Variants in TENT4B observed in about 807,000 individuals in gnomAD.
TENT4B encodes the protein terminal nucleotidyltransferase 4B.
Under a neutral mutation model 75.0 loss-of-function variants are expected in TENT4B, and 10 were observed. The ratio of observed to expected loss-of-function variants is 0.13; its 90% CI spans 0.08 to 0.23. The LOEUF (loss-of-function observed/expected upper bound fraction) is 0.23, where lower values mean the gene tolerates loss of function less well. Among genes scored for constraint, TENT4B ranks in the 10% least tolerant of loss-of-function variants. TENT4B has a pLI of 1.00. For missense variants in TENT4B, 579 were observed against 893.8 expected, an observed-to-expected ratio of 0.65 and a Z score of 4.49; for synonymous variants, 350 against 357.7, an observed-to-expected ratio of 0.98 and a Z score of 0.24.
rs374705268 is a variant in TENT4B at position 50,224,721 on chromosome 16, C to T, written c.1446C>T (p.Tyr482=). 4.2e-5 allele frequency: 68 copies of T among 1,613,886 alleles called. No homozygotes were observed. Among genetic ancestry groups the T allele is most frequent in the Non-Finnish European group, 5.4e-5 (64 of 1,179,878 alleles). The part of the protein sequence containing the change: ...MQVKQAFDYA[Y]VVLSHAVSPI... Reference sequence around the variant, plus strand: ...TGAAGCAGGCCTTTGATTATGCCTACGTTGTTTTGAGTCATGCTGTATCAC... The same window carrying T: ...TGAAGCAGGCCTTTGATTATGCCTATGTTGTTTTGAGTCATGCTGTATCAC... The change falls in exon 8 of 12, where the codon TAC becomes TAT. Residue 482 remains tyrosine, a synonymous_variant. Coordinates refer to ENST00000561678, the MANE Select transcript of TENT4B (RefSeq NM_001365324.3).
chr16:50,233,760 G>A lies in TENT4B; in HGVS notation c.*4432G>A. The A allele has an allele frequency of 2.0e-6, 2 of 985,256 alleles. No homozygotes were observed. Among genetic ancestry groups the A allele is most frequent in the South Asian group, 4.7e-5 (1 of 21,274 alleles). The allele number at this position is 985,256 out of a possible 1,614,324, so 61.0% of individuals were successfully genotyped here. ...TACTTTATTGAGTTTAACCTTGTCT[G>A]TAGCCTAGTAGCCTGAAAGAAAAGG... On this transcript the variant is annotated 3_prime_UTR_variant, in exon 12 of 12. Transcript: ENST00000561678.
At chr16:50,220,703 A>G (rs1266571042) in intron 5 of TENT4B, among the ~76,000 whole-genome samples, 1 of 151,660 alleles carries the variant, frequency 6.6e-6, no homozygotes, top group Non-Finnish European at 1.5e-5. Flanking sequence ...TAATTTTTGT[A>G]TTTTTAGTAG....
At chr16:50,169,009 C>T (rs549676466) in intron 1 of TENT4B, among the ~76,000 whole-genome samples, 1 of 152,208 alleles carries the variant, frequency 6.6e-6, no homozygotes, top group South Asian at 2.1e-4. Flanking sequence ...TAAAAGAAGG[C>T]ATAATCGTAA....
intron 1 of TENT4B, among the ~76,000 whole-genome samples, chr16:50,161,934 A>G (rs1415531329): frequency 6.6e-6 from 1 of 152,116 alleles, no homozygotes; most frequent in East Asian, 1.9e-4. Flanking sequence ...GAGCTACTCC[A>G]TCACCTCAGG....
At chr16:50,154,793 C>G (rs1597211864) in intron 1 of TENT4B, among the ~76,000 whole-genome samples, 1 of 152,210 alleles carries the variant, frequency 6.6e-6, no homozygotes, top group Non-Finnish European at 1.5e-5. Flanking sequence ...CAATCCCAGA[C>G]AGCAATTATG....
At chr16:50,190,695 T>C (rs1319074696) in intron 1 of TENT4B, among the ~76,000 whole-genome samples, 1 of 152,092 alleles carries the variant, frequency 6.6e-6, no homozygotes, top group African/African-American at 2.4e-5. Flanking sequence ...TTTAAAACAT[T>C]ATAGTAGAAT....
rs2032024958 is a variant in TENT4B, at chr16:50,225,807, T to C, written c.1800+522T>C. Among the ~76,000 whole-genome samples the C allele has an allele frequency of 2.6e-5, 4 of 151,710 alleles. No individual in the cohort carries two copies. The South Asian group carries it at 8.4e-4, about 32-fold the overall frequency. Reference sequence around the variant, plus strand: ...AAACGATTCTCCTGCCTCAACCTCCTGAGTAGCTGGGATTACAGGTGCGTA... The same window carrying C: ...AAACGATTCTCCTGCCTCAACCTCCCGAGTAGCTGGGATTACAGGTGCGTA... On this transcript the variant is annotated intron_variant, in intron 10 of 11. Transcript: ENST00000561678.
intron 1 of TENT4B, among the ~76,000 whole-genome samples, chr16:50,205,147 A>G (rs2030876584): frequency 6.6e-6 from 1 of 152,180 alleles, no homozygotes; most frequent in Admixed American, 6.5e-5. Context: ...TGACCCCCCC[A>G]GTCCCTCTTC....
intron 1 of TENT4B, 146 bp from the exon 2 acceptor site, chr16:50,211,177 C>T: frequency 3.5e-6 from 3 of 854,050 alleles, no homozygotes; most frequent in Non-Finnish European, 3.3e-6. Context: ...CTGTACATTC[C>T]CATTTTAGCT....
chr16:50,162,078 C>G (rs958526314), intron 1 of TENT4B, among the ~76,000 whole-genome samples: 5 of 152,020 alleles, frequency 3.3e-5, no homozygotes, highest in Admixed American at 6.6e-5. Flanking sequence ...GGCTTTTTTT[C>G]TTTTACCATA....
chr16:50,166,591 T>C (rs1300393390), intron 1 of TENT4B, among the ~76,000 whole-genome samples: 1 of 152,108 alleles, frequency 6.6e-6, no homozygotes, highest in Non-Finnish European at 1.5e-5. Flanking sequence ...ATCTTTTTAT[T>C]GTTGAGCTAT....
In TENT4B at chr16:50,230,043, C is replaced by A. The variant is rs907202658; in HGVS notation, c.*715C>A. On this transcript the variant is annotated 3_prime_UTR_variant, in exon 12 of 12. Coordinates refer to ENST00000561678, the MANE Select transcript of TENT4B (RefSeq NM_001365324.3). ...TCAGCATTGAAATGACTTAATAGAA[C>A]CCTTGTGTCCTGCTGCAAAAATTTT... The A allele has an allele frequency of 1.0e-5, 10 of 984,356 alleles. No homozygotes were observed. Among genetic ancestry groups the A allele is most frequent in the East Asian group, 1.1e-4 (1 of 8,806 alleles). 61.0% of individuals were successfully genotyped at this position (984,356 alleles called of 1,614,324 possible).
chr16:50,193,918 A>G (rs1280257755), intron 1 of TENT4B, among the ~76,000 whole-genome samples: 2 of 152,172 alleles, frequency 1.3e-5, no homozygotes, highest in African/African-American at 4.8e-5. Context: ...CTTCCCGGCC[A>G]CTGGGCTTAG....
chr16:50,180,763 C>T (rs1008854471), intron 1 of TENT4B, among the ~76,000 whole-genome samples: 2 of 151,196 alleles, frequency 1.3e-5, no homozygotes, highest in South Asian at 2.1e-4. Flanking sequence ...TGCCCAAAGG[C>T]GCTATTAAAC....
At chr16:50,203,057 T>C (rs1047461354) in intron 1 of TENT4B, among the ~76,000 whole-genome samples, 3 of 152,188 alleles carry the variant, frequency 2.0e-5, no homozygotes, top group Non-Finnish European at 2.9e-5. Context: ...TAGACGAGTA[T>C]CCATTCCCTG....
In TENT4B at chr16:50,231,407, CACTT is replaced by C. The variant is rs2032290207; in HGVS notation, c.*2081_*2084del. On this transcript the variant is annotated 3_prime_UTR_variant, in exon 12 of 12. Coordinates refer to ENST00000561678, the MANE Select transcript of TENT4B (RefSeq NM_001365324.3). ...TCCAGTATTAGCTGCCTATTTCAGA[CACTT>C]AATACTTGCAGAGATCTATGTTACA... 3.0e-6 allele frequency: 3 copies of C among 983,908 alleles called. No homozygotes were observed. The highest frequency in any genetic ancestry group is 1.2e-6 in the Non-Finnish European group (1 of 828,304). The allele number at this position is 983,908 out of a possible 1,614,324, so 60.9% of individuals were successfully genotyped here.
chr16:50,227,895 TGGG>T lies in TENT4B; in HGVS notation c.1858_1860del (p.Gly620del), dbSNP rs538455121. The T allele has an allele frequency of 8.1e-4, 1,300 of 1,614,032 alleles. 3 individuals carry two copies. Among genetic ancestry groups the T allele is most frequent in the Admixed American group, 1.5e-3 (93 of 60,026 alleles). On this transcript the variant is annotated inframe_deletion, in exon 11 of 12. Transcript: ENST00000561678. ...AACAGCTGCTTTGCCGTCCGTCCAC[TGGG>T]AACCGAGTAGGGTCGCAAGATGTAT...
intron 1 of TENT4B, among the ~76,000 whole-genome samples, chr16:50,205,126 T>G (rs2030874980): frequency 6.6e-6 from 1 of 152,204 alleles, no homozygotes; most frequent in African/African-American, 2.4e-5. Context: ...ATGTATGCAT[T>G]TTTCTTAAAA....
At chr16:50,183,304 A>G (rs1277391554) in intron 1 of TENT4B, among the ~76,000 whole-genome samples, 3 of 151,854 alleles carry the variant, frequency 2.0e-5, no homozygotes, top group Admixed American at 2.0e-4. Context: ...TGAGCCTCCC[A>G]AAGTGCTGGG....
Sources: allele counts gnomAD v4.1 joint callset (sites outside exome capture counted in the v4.1 genomes callset), GRCh38; gene constraint gnomAD v4.1.1; transcripts MANE v1.5; gene names NCBI Gene and HGNC (gene_info 2026-07-23, HGNC 2026-07-21).